Variants in GRM1 observed in about 807,000 individuals in gnomAD.
GRM1 encodes metabotropic glutamate receptor 1.
Under a neutral mutation model 90.9 loss-of-function variants are expected in GRM1, and 33 were observed. That is an observed-to-expected ratio of 0.36 (90% CI 0.28 to 0.49). GRM1 has a LOEUF of 0.49. Ranked by LOEUF, GRM1 falls within the 20% of genes least tolerant of loss-of-function variation. The probability of loss-of-function intolerance (pLI) is 0.99; values close to 1 mark genes in which losing one functional copy is unlikely to be tolerated. For missense variants in GRM1, 1,190 were observed against 1,534.3 expected, an observed-to-expected ratio of 0.78 and a Z score of 3.75; for synonymous variants, 700 against 613.2, an observed-to-expected ratio of 1.14 and a Z score of -2.09.
chr6:146,356,355 G>T (rs1191130859), intron 4 of GRM1, among the ~76,000 whole-genome samples: 1 of 152,170 alleles, frequency 6.6e-6, no homozygotes, highest in Non-Finnish European at 1.5e-5. Flanking sequence ...CAGATTTGGT[G>T]TCTAGGGAGG....
At chr6:146,190,559 G>A (rs1282592161) in intron 2 of GRM1, among the ~76,000 whole-genome samples, 6 of 152,148 alleles carry the variant, frequency 3.9e-5, no homozygotes, top group Non-Finnish European at 8.8e-5. Flanking sequence ...ACGAGATTAC[G>A]GAACAGCCAC....
At chr6:146,403,747 G>C (rs1777235546) in intron 7 of GRM1, among the ~76,000 whole-genome samples, 1 of 152,208 alleles carries the variant, frequency 6.6e-6, no homozygotes, top group Admixed American at 6.5e-5. Flanking sequence ...TGGCCAAATG[G>C]AAGTGGCGTG....
intron 2 of GRM1, among the ~76,000 whole-genome samples, chr6:146,265,549 A>G (rs1781851470): frequency 3.9e-5 from 6 of 152,054 alleles, no homozygotes; most frequent in Admixed American, 3.9e-4. Flanking sequence ...TCATTTGTCT[A>G]TTTTTGTTTT....
intron 7 of GRM1, among the ~76,000 whole-genome samples, chr6:146,409,372 G>A (rs1777477141): frequency 6.6e-6 from 1 of 152,134 alleles, no homozygotes; most frequent in Non-Finnish European, 1.5e-5. Context: ...TGTCCATGGA[G>A]GGGGAAGAAA....
chr6:146,065,879 T>G (rs369710399), intron 1 of GRM1, among the ~76,000 whole-genome samples: 1 of 152,116 alleles, frequency 6.6e-6, no homozygotes, highest in East Asian at 1.9e-4. Flanking sequence ...ATGTTAGTCA[T>G]GCTCCATGTG....
At chr6:146,310,012 A>G (rs1190077275) in intron 3 of GRM1, among the ~76,000 whole-genome samples, 4 of 152,176 alleles carry the variant, frequency 2.6e-5, no homozygotes, top group African/African-American at 9.7e-5. Context: ...CTTTGTACCA[A>G]TTGAGAACAG....
At chr6:146,327,537 T>C (rs1442922095) in intron 3 of GRM1, among the ~76,000 whole-genome samples, 1 of 152,176 alleles carries the variant, frequency 6.6e-6, no homozygotes, top group African/African-American at 2.4e-5. Flanking sequence ...AACATACTTT[T>C]ATGTAAAGTA....
chr6:146,096,863 T>C (rs1323641195), intron 1 of GRM1, among the ~76,000 whole-genome samples: 1 of 152,314 alleles, frequency 6.6e-6, no homozygotes, highest in East Asian at 1.9e-4. Flanking sequence ...TCTACTGAAA[T>C]ACATTTGGGT....
At chr6:146,036,468 A>G (rs1363669397) in intron 1 of GRM1, among the ~76,000 whole-genome samples, 1 of 151,992 alleles carries the variant, frequency 6.6e-6, no homozygotes, top group Non-Finnish European at 1.5e-5. Flanking sequence ...AAAATTATAT[A>G]GAAATATTTG....
intron 1 of GRM1, among the ~76,000 whole-genome samples, chr6:146,031,722 A>G (rs547247262): frequency 1.4e-4 from 21 of 152,146 alleles, no homozygotes; most frequent in Non-Finnish European, 2.4e-4. Context: ...ATATTTTAAT[A>G]TTTAACTTTA....
intron 2 of GRM1, among the ~76,000 whole-genome samples, chr6:146,187,192 T>A (rs1218143092): frequency 6.6e-6 from 1 of 152,170 alleles, no homozygotes; most frequent in African/African-American, 2.4e-5. Context: ...TTTGCACAGG[T>A]AACAACCAAA....
At chr6:146,123,951 T>A (rs759380002) in intron 1 of GRM1, among the ~76,000 whole-genome samples, 154 of 152,258 alleles carry the variant, frequency 1.0e-3, no homozygotes, top group Middle Eastern at 6.8e-3. Context: ...GCAGAAAAAC[T>A]CTGTTTCGAG....
chr6:146,360,495 G>A (rs1020366887), intron 5 of GRM1, among the ~76,000 whole-genome samples: 10 of 152,082 alleles, frequency 6.6e-5, no homozygotes, highest in Non-Finnish European at 1.3e-4. Context: ...AGAAGAAAAT[G>A]GTCACAAAAG....
intron 2 of GRM1, among the ~76,000 whole-genome samples, chr6:146,294,369 A>G (rs1020837509): frequency 2.8e-4 from 43 of 151,916 alleles, no homozygotes; most frequent in African/African-American, 9.9e-4. Context: ...TTAGTTTCCA[A>G]GTAGTTGGAG....
intron 2 of GRM1, among the ~76,000 whole-genome samples, chr6:146,206,749 T>A (rs1779507760): frequency 6.6e-6 from 1 of 152,040 alleles, no homozygotes. Context: ...CAGTACCCAA[T>A]CTTTTGGGTA....
chr6:146,256,993 T>C (rs537958623), intron 2 of GRM1, among the ~76,000 whole-genome samples: 1 of 152,274 alleles, frequency 6.6e-6, no homozygotes, highest in African/African-American at 2.4e-5. Flanking sequence ...ACATAAGTTT[T>C]CTGCCTCTGT....
chr6:146,257,706 C>CTT (rs1781537915), intron 2 of GRM1, among the ~76,000 whole-genome samples: 1 of 152,052 alleles, frequency 6.6e-6, no homozygotes, highest in Non-Finnish European at 1.5e-5. Flanking sequence ...GACTCGTGAA[C>CTT]CAGCTCAAGC....
At chr6:146,287,891 C>T (rs6923199) in intron 2 of GRM1, among the ~76,000 whole-genome samples, 10,765 of 152,236 alleles carry the variant, frequency 0.071, 1,288 homozygotes, top group African/African-American at 0.24. Context: ...TTTGTCTCAA[C>T]CCAGTGAAAT....
chr6:146,076,524 T>C (rs1331081635), intron 1 of GRM1, among the ~76,000 whole-genome samples: 1 of 152,042 alleles, frequency 6.6e-6, no homozygotes, highest in African/African-American at 2.4e-5. Flanking sequence ...GGTTTGCTGA[T>C]TGTTTGGATG....
Sources: allele counts gnomAD v4.1 joint callset (sites outside exome capture counted in the v4.1 genomes callset), GRCh38; gene constraint gnomAD v4.1.1; transcripts MANE v1.5; gene names NCBI Gene and HGNC (gene_info 2026-07-23, HGNC 2026-07-21).